VPS13D: variants seen among roughly 807,000 people sequenced by gnomAD.
VPS13D encodes intermembrane lipid transfer protein VPS13D.
VPS13D carries 187 observed loss-of-function variants against 461.9 expected under a neutral mutation model. That is an observed-to-expected ratio of 0.40 (90% CI 0.36 to 0.46). The LOEUF is 0.46. Among genes scored for constraint, VPS13D ranks in the 20% least tolerant of loss-of-function variants. The pLI is 0.60. For missense variants in VPS13D, 4,711 were observed against 5,364.9 expected (o/e 0.88, Z 3.81); for synonymous variants, 1,951 against 1,986.3 (o/e 0.98, Z 0.47).
Position 12,424,690 on chromosome 1 carries a change from T to C in VPS13D, c.12333+7863T>C, listed in dbSNP as rs1644902753. Among the ~76,000 whole-genome samples the C allele has an allele frequency of 2.0e-5, 3 of 152,328 alleles. No homozygotes were observed. In the South Asian group the frequency reaches 6.2e-4, roughly 32 times the overall value. ...GAGCAGGGAATGAGTGATGCCACTATTGATGTCCTGTTTTTGAAACAGAAA... is the reference window on the plus strand; with the variant it reads ...GAGCAGGGAATGAGTGATGCCACTACTGATGTCCTGTTTTTGAAACAGAAA... On this transcript the variant is annotated intron_variant, in intron 65 of 69. Coordinates refer to ENST00000620676, the MANE Select transcript of VPS13D (RefSeq NM_015378.4).
intron 38 of VPS13D, 32 bp downstream of exon 38, chr1:12,333,398 AC>A: frequency 6.2e-7 from 1 of 1,609,462 alleles, no homozygotes; most frequent in East Asian, 2.2e-5. Flanking sequence ...ATAGACTGAT[AC>A]CTTTCCGTAC....
intron 67 of VPS13D, among the ~76,000 whole-genome samples, chr1:12,488,855 G>A (rs1205560049): frequency 2.6e-5 from 4 of 152,124 alleles, no homozygotes; most frequent in African/African-American, 9.7e-5. Flanking sequence ...ATTTGATAAT[G>A]GCTTGAGAGA....
At position 12,356,491 on chromosome 1, in the gene VPS13D, T is replaced by C. The variant is rs1355359050; in HGVS notation, c.9965T>C (p.Leu3322Ser). The part of the protein sequence containing the change: ...HELARSLSPL[L>S]FCYADKEQPN... ...CTGGCCCGTAGCCTGAGTCCTCTCT[T>C]ATTCTGCTATGCTGACAAAGAGCAG... Residue 3322 changes from leucine to serine, a missense_variant, in exon 49 of 70, where the codon TTA becomes TCA. Physicochemically the swap from Leu to Ser is moderately radical, Grantham distance 145. This residue lies in a region of VPS13D where 4,411 missense variants were observed against 4,937.8 expected (regional missense o/e 0.89). Coordinates refer to ENST00000620676, the MANE Select transcript of VPS13D (RefSeq NM_015378.4). The C allele has an allele frequency of 1.2e-6, 2 of 1,614,088 alleles. No homozygotes were observed. The highest frequency in any genetic ancestry group is 2.2e-5 in the East Asian group (1 of 44,894).
intron 30 of VPS13D, among the ~76,000 whole-genome samples, chr1:12,316,232 T>A (rs1165535868): frequency 1.3e-5 from 2 of 152,240 alleles, no homozygotes; most frequent in Non-Finnish European, 2.9e-5. Context: ...AATATTTGTG[T>A]ATTATAGGTG....
intron 68 of VPS13D, chr1:12,500,043 C>G (rs1646014882): frequency 2.0e-6 from 2 of 985,322 alleles, no homozygotes; most frequent in Non-Finnish European, 2.4e-6. Flanking sequence ...ACATTTTTTT[C>G]CAGTTAGGCT....
intron 20 of VPS13D, among the ~76,000 whole-genome samples, chr1:12,280,915 T>C (rs1238765448): frequency 6.6e-6 from 1 of 151,968 alleles, no homozygotes; most frequent in Non-Finnish European, 1.5e-5. Flanking sequence ...CTTTAATAAT[T>C]GATTAGTAAT....
intron 36 of VPS13D, among the ~76,000 whole-genome samples, chr1:12,329,570 C>G (rs1460845196): frequency 6.6e-6 from 1 of 152,196 alleles, no homozygotes; most frequent in Admixed American, 6.5e-5. Flanking sequence ...AGGGCTGGCA[C>G]TGTGGGAAGG....
intron 31 of VPS13D, among the ~76,000 whole-genome samples, chr1:12,319,070 A>G (rs947677201): frequency 6.6e-6 from 1 of 152,252 alleles, no homozygotes; most frequent in Non-Finnish European, 1.5e-5. Flanking sequence ...TTTGTAAACA[A>G]CCTTGTAAAT....
intron 58 of VPS13D, among the ~76,000 whole-genome samples, chr1:12,383,765 C>T (rs189489483): frequency 2.0e-5 from 3 of 152,346 alleles, no homozygotes; most frequent in Admixed American, 6.5e-5. Flanking sequence ...GAACATTTAC[C>T]AGTGAACGGA....
intron 63 of VPS13D, 96 bp downstream of exon 63, chr1:12,404,069 G>C: frequency 9.3e-7 from 1 of 1,077,428 alleles, no homozygotes; most frequent in Non-Finnish European, 1.2e-6. Context: ...GTGTGTGTGT[G>C]CTTTTTTTTT....
At chr1:12,297,929 G>A (rs1431181396) in intron 24 of VPS13D, among the ~76,000 whole-genome samples, 2 of 152,168 alleles carry the variant, frequency 1.3e-5, no homozygotes, top group Non-Finnish European at 2.9e-5. Flanking sequence ...CTGGTTGTCT[G>A]GCTCATGATT....
intron 65 of VPS13D, among the ~76,000 whole-genome samples, chr1:12,429,013 A>C (rs968290531): frequency 7.9e-5 from 12 of 151,842 alleles, no homozygotes; most frequent in Non-Finnish European, 1.8e-4. Context: ...CAAGGATGAG[A>C]TTGGCTGGAG....
rs1370219203 is a variant in VPS13D at position 12,276,474 on chromosome 1, C to T, written c.2886C>T (p.Asn962=). Residue 962 remains asparagine (N), a synonymous_variant, in exon 19 of 70, where the codon AAC becomes AAT. Transcript: ENST00000620676. The surrounding 1 kb of genome is among the most constrained non-coding windows in gnomAD (Gnocchi z 4.5). ...SQLLLAEFKV[N]CMQLGVESNG... The stretch of plus-strand genomic sequence containing the variant: ...TCCTCCTGGCGGAATTTAAAGTGAA[C>T]TGTATGCAGCTTGGTGTTGAGAGCA... 3.1e-6 allele frequency: 5 copies of T among 1,614,156 alleles called. No individual in the cohort carries two copies. Among genetic ancestry groups the T allele is most frequent in the Non-Finnish European group, 4.2e-6 (5 of 1,180,042 alleles).
At chr1:12,325,614 A>G (rs968893590) in intron 35 of VPS13D, among the ~76,000 whole-genome samples, 6 of 152,192 alleles carry the variant, frequency 3.9e-5, no homozygotes, top group Non-Finnish European at 7.3e-5. Context: ...ACATGCACAC[A>G]TTACATTTTT....
In VPS13D at chr1:12,267,873, C is replaced by G. The variant is rs1641319800; in HGVS notation, c.1754C>G (p.Ser585Cys). The G allele has an allele frequency of 1.9e-6, 3 of 1,614,022 alleles. No individual in the cohort carries two copies. Among genetic ancestry groups the G allele is most frequent in the Non-Finnish European group, 8.5e-7 (1 of 1,180,012 alleles). ...AAAGAAGTTGGCAGAGTCTCACAAT[C>G]TTTTGGTCTACAAACTACATCTGCA... ...PQKEVGRVSQ[S>C]FGLQTTSADR... The change falls in exon 15 of 70, where the codon TCT (serine) becomes TGT (cysteine). Residue 585 changes from serine (S) to cysteine (C), a missense_variant. By Grantham distance (112) the Ser-to-Cys change is moderately radical. Transcript: ENST00000620676.
chr1:12,467,823 A>T (rs755894367), intron 67 of VPS13D, among the ~76,000 whole-genome samples: 3 of 152,184 alleles, frequency 2.0e-5, no homozygotes, highest in Non-Finnish European at 4.4e-5. Flanking sequence ...GTACATTATA[A>T]TCATTTCTAG....
intron 14 of VPS13D, among the ~76,000 whole-genome samples, chr1:12,267,342 T>G (rs560580165): frequency 6.6e-6 from 1 of 152,322 alleles, no homozygotes; most frequent in Non-Finnish European, 1.5e-5. Context: ...CCTTAGTTAC[T>G]GACATGAAAT....
At chr1:12,303,545 C>T (rs974428540) in intron 25 of VPS13D, among the ~76,000 whole-genome samples, 2 of 152,144 alleles carry the variant, frequency 1.3e-5, no homozygotes, top group African/African-American at 4.8e-5. Flanking sequence ...AGTAATCTGC[C>T]TTGCAAAAAA....
chr1:12,317,136 G>A (rs1446907470), intron 30 of VPS13D, among the ~76,000 whole-genome samples: 1 of 151,984 alleles, frequency 6.6e-6, no homozygotes, highest in African/African-American at 2.4e-5. Context: ...TCTAGTACTA[G>A]TGTGTGTAAA....
Sources: gnomAD v4.1 joint callset for allele counts (sites outside exome capture counted in the v4.1 genomes callset) on GRCh38, gnomAD v4.1.1 for gene constraint, gnomAD v4.1.1 regional missense constraint, Gnocchi (gnomAD v3.1) non-coding constraint, MANE v1.5 for transcripts, NCBI Gene and HGNC (gene_info 2026-07-23, HGNC 2026-07-21) for gene names.